SLC6A9: variants seen among roughly 807,000 people sequenced by gnomAD.
The protein encoded by SLC6A9 is solute carrier family 6 member 9, also known as sodium- and chloride-dependent glycine transporter 1.
Under a neutral mutation model 70.9 loss-of-function variants are expected in SLC6A9, and 31 were observed. The ratio of observed to expected loss-of-function variants is 0.44; its 90% CI spans 0.33 to 0.59. The LOEUF is 0.59. Ranked by LOEUF, SLC6A9 falls within the 20% of genes least tolerant of loss-of-function variation. The pLI, the probability that SLC6A9 is intolerant of heterozygous loss-of-function variation, is 0.04. For missense variants in SLC6A9, 631 were observed against 845.2 expected (o/e 0.75, Z 3.14); for synonymous variants, 310 against 341.3 (o/e 0.91, Z 1.01).
Position 43,997,623 on chromosome 1 carries a change from C to G in SLC6A9, c.1824G>C (p.Gln608His), listed in dbSNP as rs780735850. 1.2e-6 allele frequency: 2 copies of G among 1,614,026 alleles called. No homozygotes were observed. Among genetic ancestry groups the G allele is most frequent in the Non-Finnish European group, 1.7e-6 (2 of 1,180,018 alleles). ...APSPEDGFEVQPLHPDKAQIP... is the reference protein window; with the variant it reads ...APSPEDGFEVHPLHPDKAQIP... ...TCTGCGCCTTGTCCGGGTGCAGTGGCTGGACCTCGAAGCCGTCCTCAGGAG... is the reference window on the plus strand; with the variant it reads ...TCTGCGCCTTGTCCGGGTGCAGTGGGTGGACCTCGAAGCCGTCCTCAGGAG... The change falls in exon 14 of 14, where the codon CAG (glutamine) becomes CAC (histidine). Residue 608 changes from glutamine (Q) to histidine (H), a missense_variant. Coordinates refer to ENST00000372310, the MANE Select transcript of SLC6A9 (RefSeq NM_001024845.3). The surrounding 1 kb of genome is among the most constrained non-coding windows in gnomAD (Gnocchi z 4.4).
At position 43,998,039 on chromosome 1, in the gene SLC6A9, G is replaced by T; in HGVS notation, c.1537-14C>A. On this transcript the variant is annotated splice_polypyrimidine_tract_variant and intron_variant, in intron 12 of 13. Coordinates refer to ENST00000372310, the MANE Select transcript of SLC6A9 (RefSeq NM_001024845.3). ...AACTAGAATAAACTGCACGGGGCAGGTGTGGGAGTGGGCGTGAGGCCGACC... is the reference window on the plus strand; with the variant it reads ...AACTAGAATAAACTGCACGGGGCAGTTGTGGGAGTGGGCGTGAGGCCGACC... 6.3e-7 allele frequency: 1 copy of T among 1,599,666 alleles called. No individual in the cohort carries two copies. The highest frequency in any genetic ancestry group is 1.7e-5 in the Admixed American group (1 of 59,346).
At chr1:44,009,335 T>C (rs952694648) in intron 4 of SLC6A9, among the ~76,000 whole-genome samples, 2 of 151,770 alleles carry the variant, frequency 1.3e-5, no homozygotes, top group Non-Finnish European at 2.9e-5. Context: ...TTCTCCCGCC[T>C]CAGCCCCCAG....
At chr1:44,025,463 G>T (rs1195988351) in intron 1 of SLC6A9, among the ~76,000 whole-genome samples, 1 of 149,864 alleles carries the variant, frequency 6.7e-6, no homozygotes, top group African/African-American at 2.5e-5. Context: ...TTGCACTCCA[G>T]CCTGGGCGAC....
At chr1:44,010,405 C>A in intron 3 of SLC6A9, 2 of 408,938 alleles carry the variant, frequency 4.9e-6, no homozygotes, top group East Asian at 4.5e-5. Context: ...ATCCCTGAAC[C>A]ATTTAGGGGG....
At position 44,010,706 on chromosome 1, in the gene SLC6A9, G is replaced by T. The variant is rs2154306052; in HGVS notation, c.187+20C>A. ...GGCTCTACCCAAGTGGGTGGTCCCT[G>T]CCCTGTGCCCACTGGGTACCTCCCC... is the stretch of plus-strand genomic sequence containing the variant. On this transcript the variant is annotated intron_variant, in intron 3 of 13. Coordinates refer to ENST00000372310, the MANE Select transcript of SLC6A9 (RefSeq NM_001024845.3). The T allele has an allele frequency of 6.2e-7, 1 of 1,611,618 alleles. No individual in the cohort carries two copies. The highest frequency in any genetic ancestry group is 2.2e-5 in the East Asian group (1 of 44,866).
chr1:44,008,439 G>A lies in SLC6A9; in HGVS notation c.504C>T (p.Gly168=), dbSNP rs373309661. 2 of 1,614,168 alleles carry A rather than the reference G, an allele frequency of 1.2e-6. No homozygotes were observed. Among genetic ancestry groups the A allele is most frequent in the Non-Finnish European group, 1.7e-6 (2 of 1,179,984 alleles). ...TGCTGGGCAAGGCGGCTGGCCGAGA[G>A]CCATTGGTGAGGTTGGAGGCGTCCA... ...GVLDASNLTN[G]SRPAALPSNL... The change falls in exon 5 of 14, where the codon GGC becomes GGT. Residue 168 remains glycine, a synonymous_variant. Transcript: ENST00000372310.
At chr1:44,028,097 A>G (rs2087015423) in intron 1 of SLC6A9, among the ~76,000 whole-genome samples, 1 of 152,232 alleles carries the variant, frequency 6.6e-6, no homozygotes, top group Admixed American at 6.5e-5. Flanking sequence ...GGCTTCCCTG[A>G]TGAAGTGATG....
intron 2 of SLC6A9, among the ~76,000 whole-genome samples, chr1:44,011,361 G>A (rs373994455): frequency 7.2e-5 from 11 of 152,112 alleles, no homozygotes; most frequent in Admixed American, 4.6e-4. Flanking sequence ...CTGGGCAGGC[G>A]ACTGCGGGGG....
intron 2 of SLC6A9, among the ~76,000 whole-genome samples, chr1:44,019,959 AG>A (rs2086850666): frequency 2.4e-5 from 1 of 41,850 alleles, no homozygotes. Context: ...GGAAGTGGGG[AG>A]GGGGAGGGAG....
chr1:44,009,607 G>A (rs1312653251), intron 4 of SLC6A9, among the ~76,000 whole-genome samples: 1 of 152,232 alleles, frequency 6.6e-6, no homozygotes, highest in Non-Finnish European at 1.5e-5. Context: ...CCAAAGTGCT[G>A]GGATTACAGG....
rs1009884784 is a variant in SLC6A9, at chr1:44,023,793, T to C, written c.30+455A>G. ...GAAGAGCCAGGACTTGGGGAAAGGGTGGAGGGACATTTTCTGGGAGGCCTC... is the reference window on the plus strand; with the variant it reads ...GAAGAGCCAGGACTTGGGGAAAGGGCGGAGGGACATTTTCTGGGAGGCCTC... On this transcript the variant is annotated intron_variant, in intron 2 of 13. Transcript: ENST00000372310. Among the ~76,000 whole-genome samples, 5 of 151,676 alleles carry C rather than the reference T, an allele frequency of 3.3e-5. No homozygotes were observed. The South Asian group carries it at 1.0e-3, about 32-fold the overall frequency.
chr1:44,024,976 T>C (rs1036936417), intron 1 of SLC6A9, among the ~76,000 whole-genome samples: 13 of 152,376 alleles, frequency 8.5e-5, no homozygotes, highest in African/African-American at 2.4e-4. Context: ...ACCTCTTCTC[T>C]GCAGCCTTTT....
At position 44,001,517 on chromosome 1, in the gene SLC6A9, C is replaced by T. The variant is rs200484133; in HGVS notation, c.1073G>A (p.Arg358His). 5.0e-6 allele frequency: 8 copies of T among 1,614,084 alleles called. No individual in the cohort carries two copies. Among genetic ancestry groups the T allele is most frequent in the African/African-American group, 1.3e-5 (1 of 74,932 alleles). Residue 358 changes from arginine to histidine, a missense_variant, in exon 9 of 14, where the codon CGT becomes CAT. Physicochemically the swap from Arg to His is conservative, Grantham distance 29. Transcript: ENST00000372310. ...CAGGCCAGGGCCGTGGTCTGCCACACGGGACACATCCACGCCCAGGTGATT... is the reference window on the plus strand; with the variant it reads ...CAGGCCAGGGCCGTGGTCTGCCACATGGGACACATCCACGCCCAGGTGATT... ...MANHLGVDVS[R>H]VADHGPGLAF...
At position 44,001,537 on chromosome 1, in the gene SLC6A9, G is replaced by C. The variant is rs761328816; in HGVS notation, c.1053C>G (p.His351Gln). 2.5e-6 allele frequency: 4 copies of C among 1,614,252 alleles called. No homozygotes were observed. The South Asian group carries it at 3.3e-5, about 13-fold the overall frequency. ...IFSILGFMAN[H>Q]LGVDVSRVAD... ...CCACACGGGACACATCCACGCCCAG[G>C]TGATTGGCCATGAAGCCGAGGATGG... The change falls in exon 9 of 14, where the codon CAC (histidine) becomes CAG (glutamine). Residue 351 changes from histidine to glutamine, a missense_variant. His to Gln is a conservative substitution (Grantham distance 24). Transcript: ENST00000372310.
At chr1:44,003,022 C>T in intron 5 of SLC6A9, 37 bp from the exon 6 acceptor site, 4 of 1,611,972 alleles carry the variant, frequency 2.5e-6, no homozygotes, top group South Asian at 2.2e-5. Flanking sequence ...GGGCCAGCCG[C>T]CGCTGCCCAG....
chr1:44,013,357 G>A lies in SLC6A9; in HGVS notation c.31-2475C>T, dbSNP rs1010799502. Among the ~76,000 whole-genome samples the A allele has an allele frequency of 2.0e-5, 3 of 152,200 alleles. No homozygotes were observed. The highest frequency in any genetic ancestry group is 2.9e-5 in the Non-Finnish European group (2 of 68,016). On this transcript the variant is annotated intron_variant, in intron 2 of 13. Coordinates refer to ENST00000372310, the MANE Select transcript of SLC6A9 (RefSeq NM_001024845.3). The surrounding 1 kb of genome is among the most constrained non-coding windows in gnomAD (Gnocchi z 5.3). ...GGGGAGGTACGGGGAAGGTGGTGAT[G>A]CTTCCAGCCACGTGCCACAGACAGC...
rs2085905243 is a variant in SLC6A9, at chr1:43,997,494, C to A, written c.*51G>T. 6.5e-7 allele frequency: 1 copy of A among 1,543,524 alleles called. No homozygotes were observed. Among genetic ancestry groups the A allele is most frequent in the Non-Finnish European group, 8.9e-7 (1 of 1,122,202 alleles). Reference sequence around the variant, plus strand: ...CACCTGGCCTCTGCCTCACCAGTCTCTGCGGTGGGAGCACGGGGTGGGGGT... The same window carrying A: ...CACCTGGCCTCTGCCTCACCAGTCTATGCGGTGGGAGCACGGGGTGGGGGT... On this transcript the variant is annotated 3_prime_UTR_variant, in exon 14 of 14. Transcript: ENST00000372310. The surrounding 1 kb of genome is among the most constrained non-coding windows in gnomAD (Gnocchi z 4.4).
At chr1:44,017,310 G>A in intron 2 of SLC6A9, 2 of 1,436,042 alleles carry the variant, frequency 1.4e-6, no homozygotes, top group Non-Finnish European at 1.8e-6. Context: ...TCCGGAGCTG[G>A]AGTGGGGTGT....
At chr1:44,001,348 C>T (rs202024914) in intron 9 of SLC6A9, 42 bp downstream of exon 9, 37 of 1,613,476 alleles carry the variant, frequency 2.3e-5, no homozygotes, top group Non-Finnish European at 3.1e-5. Context: ...TTCCTGTCCC[C>T]TCCCTTCCCC....
Sources: allele counts gnomAD v4.1 joint callset (sites outside exome capture counted in the v4.1 genomes callset), GRCh38; gene constraint gnomAD v4.1.1; non-coding constraint Gnocchi (gnomAD v3.1); transcripts MANE v1.5; gene names NCBI Gene and HGNC (gene_info 2026-07-23, HGNC 2026-07-21).